NTM: variants seen among roughly 807,000 people sequenced by gnomAD.
NTM encodes IgLON family member 2.
A neutral mutation model predicts 42.1 loss-of-function variants in NTM; 13 were observed. The observed-to-expected ratio is 0.31, with a 90% CI of 0.20 to 0.49. The LOEUF is 0.49. Among genes scored for constraint, NTM ranks in the 20% least tolerant of loss-of-function variants. NTM has a pLI of 0.99. For synonymous variants in NTM, 187 were observed against 179.2 expected (o/e 1.04, Z -0.35); for missense variants, 373 against 452.8 (o/e 0.82, Z 1.60).
chr11:132,070,389 A>G (rs1453515849), intron 2 of NTM, among the ~76,000 whole-genome samples: 1 of 143,690 alleles, frequency 7.0e-6, no homozygotes, highest in Non-Finnish European at 1.5e-5. Context: ...AACACGTCAC[A>G]CAGCCAAGTA....
At chr11:132,120,610 T>C (rs976035880) in intron 2 of NTM, among the ~76,000 whole-genome samples, 1 of 152,196 alleles carries the variant, frequency 6.6e-6, no homozygotes, top group African/African-American at 2.4e-5. Context: ...ATTGGATAAA[T>C]CATCTATGTT....
intron 1 of NTM, among the ~76,000 whole-genome samples, chr11:131,726,810 C>A (rs377479241): frequency 6.6e-6 from 1 of 150,576 alleles, no homozygotes; most frequent in East Asian, 1.9e-4. Context: ...ACCTAATGGG[C>A]TCAAGTGATC....
intron 1 of NTM, among the ~76,000 whole-genome samples, chr11:131,843,973 T>A (rs7114657): frequency 6.6e-6 from 1 of 151,954 alleles, no homozygotes; most frequent in Non-Finnish European, 1.5e-5. Context: ...CCTGTGTCTC[T>A]TGTTTACACT....
intron 1 of NTM, among the ~76,000 whole-genome samples, chr11:131,845,233 G>C (rs1270946485): frequency 1.3e-5 from 2 of 152,028 alleles, no homozygotes; most frequent in Non-Finnish European, 1.5e-5. Flanking sequence ...CCTCAAAGTT[G>C]ATTACACATT....
At chr11:132,131,552 C>A (rs142715809) in intron 2 of NTM, among the ~76,000 whole-genome samples, 1 of 151,644 alleles carries the variant, frequency 6.6e-6, no homozygotes, top group Admixed American at 6.6e-5. Context: ...GGTGTGTGGG[C>A]GAGTAAGTAG....
At chr11:131,862,115 C>T (rs1433731360) in intron 1 of NTM, among the ~76,000 whole-genome samples, 1 of 152,254 alleles carries the variant, frequency 6.6e-6, no homozygotes, top group East Asian at 1.9e-4. Flanking sequence ...ACGTGTGTTG[C>T]AAAGCCAGGT....
intron 1 of NTM, among the ~76,000 whole-genome samples, chr11:131,443,751 T>C (rs545599516): frequency 5.9e-5 from 9 of 152,188 alleles, no homozygotes; most frequent in African/African-American, 2.2e-4. Context: ...TCTTAAGATG[T>C]CTTTATCTGT....
At chr11:131,514,666 A>T (rs2048670419) in intron 1 of NTM, among the ~76,000 whole-genome samples, 1 of 151,536 alleles carries the variant, frequency 6.6e-6, no homozygotes, top group South Asian at 2.1e-4. Flanking sequence ...TGCAGCCTGA[A>T]CTCCCAGGCT....
intron 1 of NTM, among the ~76,000 whole-genome samples, chr11:131,797,986 T>C (rs2091755940): frequency 6.6e-6 from 1 of 150,536 alleles, no homozygotes. Context: ...GATGGCTGAT[T>C]TATGAAATTA....
chr11:131,942,142 A>G (rs1348104901), intron 2 of NTM, among the ~76,000 whole-genome samples: 2 of 152,208 alleles, frequency 1.3e-5, no homozygotes, highest in Non-Finnish European at 1.5e-5. Flanking sequence ...TGTAAAGTAA[A>G]TGGAACATGA....
chr11:131,758,939 A>G (rs1338415825), intron 1 of NTM, among the ~76,000 whole-genome samples: 1 of 152,170 alleles, frequency 6.6e-6, no homozygotes, highest in Non-Finnish European at 1.5e-5. Flanking sequence ...GATTCATCAA[A>G]GAAGCCGTGA....
intron 1 of NTM, among the ~76,000 whole-genome samples, chr11:131,594,037 A>G (rs888336875): frequency 3.3e-5 from 5 of 152,206 alleles, no homozygotes; most frequent in Non-Finnish European, 7.3e-5. Flanking sequence ...CCAGCCTTAT[A>G]TAGTCTTGTT....
At chr11:132,317,170 C>T (rs2095450294) in intron 7 of NTM, among the ~76,000 whole-genome samples, 1 of 152,142 alleles carries the variant, frequency 6.6e-6, no homozygotes, top group South Asian at 2.1e-4. Context: ...ACAGGGCTTG[C>T]AGGGGCCTCT....
At chr11:131,800,057 T>G (rs1383498875) in intron 1 of NTM, among the ~76,000 whole-genome samples, 2 of 152,208 alleles carry the variant, frequency 1.3e-5, no homozygotes, top group African/African-American at 4.8e-5. Flanking sequence ...CAGCACACTC[T>G]AGATCCTCAG....
chr11:131,944,687 A>G (rs927703234), intron 2 of NTM, among the ~76,000 whole-genome samples: 1 of 152,156 alleles, frequency 6.6e-6, no homozygotes, highest in African/African-American at 2.4e-5. Context: ...AAGAGTTGGA[A>G]GCTGCTTCAG....
chr11:132,303,474 A>G (rs987821716), intron 4 of NTM, among the ~76,000 whole-genome samples: 4 of 152,146 alleles, frequency 2.6e-5, no homozygotes, highest in Admixed American at 6.5e-5. Flanking sequence ...CCCTTTTTAT[A>G]AGGACACCAG....
chr11:131,839,099 T>C (rs1207814902), intron 1 of NTM, among the ~76,000 whole-genome samples: 1 of 152,070 alleles, frequency 6.6e-6, no homozygotes, highest in Admixed American at 6.6e-5. Context: ...TAGCTGGGAT[T>C]ACAGGTGCAC....
At chr11:132,204,730 A>G (rs61906024) in intron 3 of NTM, among the ~76,000 whole-genome samples, 1,640 of 152,240 alleles carry the variant, frequency 0.011, 18 homozygotes, top group South Asian at 0.025. Flanking sequence ...GAGACCAAAG[A>G]AGGAGTTTGC....
rs546810187 is a variant in NTM, at chr11:131,436,147, G to A, written c.82+65259G>A. ...TCCCAGGGATGAAGCTGAATTGATC[G>A]TGGTGGATAAGCTTTTTGATGTGCT... On this transcript the variant is annotated intron_variant, in intron 1 of 8. Transcript: ENST00000683400. 3.0e-4 allele frequency among the ~76,000 whole-genome samples: 45 copies of A among 152,302 alleles called. 1 individual carries two copies. Among genetic ancestry groups the A allele is most frequent in the South Asian group, 2.9e-3 (14 of 4,826 alleles).
Sources: allele counts gnomAD v4.1 joint callset (sites outside exome capture counted in the v4.1 genomes callset), GRCh38; gene constraint gnomAD v4.1.1; transcripts MANE v1.5; gene names NCBI Gene and HGNC (gene_info 2026-07-23, HGNC 2026-07-21).